The following ADAMTS6 variants were observed in gnomAD, a reference collection of about 807,000 sequenced individuals.
ADAMTS6 encodes A disintegrin and metalloproteinase with thrombospondin motifs 6.
Under a neutral mutation model 144.3 loss-of-function variants are expected in ADAMTS6, and 23 were observed. That is an observed-to-expected ratio of 0.16 (90% CI 0.11 to 0.23). The LOEUF (loss-of-function observed/expected upper bound fraction) is 0.23, where lower values mean the gene tolerates loss of function less well. Ranked by LOEUF, ADAMTS6 falls within the 10% of genes least tolerant of loss-of-function variation. The pLI is 1.00. For missense variants in ADAMTS6, 999 were observed against 1,379.6 expected (o/e 0.72, Z 4.37); for synonymous variants, 444 against 457.5 (o/e 0.97, Z 0.38).
chr5:65,273,522 C>T, intron 11 of ADAMTS6, 75 bp from the exon 12 acceptor site: 1 of 1,210,422 alleles, frequency 8.3e-7, no homozygotes, highest in Admixed American at 1.7e-5. Flanking sequence ...CACTTACAGT[C>T]ACTCTGCATT....
At chr5:65,241,079 GAGA>G (rs1759135591) in intron 15 of ADAMTS6, among the ~76,000 whole-genome samples, 1 of 151,912 alleles carries the variant, frequency 6.6e-6, no homozygotes, top group South Asian at 2.1e-4. Context: ...AATGGATAGG[GAGA>G]AGAACAGACA....
chr5:65,188,148 G>A lies in ADAMTS6; in HGVS notation c.2778C>T (p.Cys926=), dbSNP rs531575998. 33 of 1,614,010 alleles carry A rather than the reference G, an allele frequency of 2.0e-5. No homozygotes were observed. The South Asian group carries it at 3.6e-4, about 18-fold the overall frequency. Residue 926 remains cysteine (C), a synonymous_variant, in exon 22 of 25, where the codon TGC becomes TGT. Transcript: ENST00000381055. The part of the protein sequence containing the change: ...DGGMRTRAVL[C]IRKIGPSEEE... Reference sequence around the variant, plus strand: ...CCTCAGAAGGTCCGATCTTCCTGATGCAGAGCACTGCCCTTGTGCGCATCC... The same window carrying A: ...CCTCAGAAGGTCCGATCTTCCTGATACAGAGCACTGCCCTTGTGCGCATCC...
chr5:65,282,995 G>A (rs1763103884), intron 11 of ADAMTS6, among the ~76,000 whole-genome samples: 1 of 152,058 alleles, frequency 6.6e-6, no homozygotes, highest in Admixed American at 6.6e-5. Context: ...TGGCCCTTGG[G>A]AAACTCTAAA....
At chr5:65,317,995 A>G (rs1019584276) in intron 9 of ADAMTS6, among the ~76,000 whole-genome samples, 1 of 151,324 alleles carries the variant, frequency 6.6e-6, no homozygotes, top group Non-Finnish European at 1.5e-5. Flanking sequence ...GAATGGCGTG[A>G]ACCTGGGAGG....
chr5:65,342,238 CA>C (rs141290911), intron 7 of ADAMTS6, among the ~76,000 whole-genome samples: 23 of 150,372 alleles, frequency 1.5e-4, no homozygotes, highest in East Asian at 7.8e-4. Context: ...GGGCAATTTA[CA>C]AAAAAAAAGA....
chr5:65,301,068 C>T (rs936851693), intron 9 of ADAMTS6, among the ~76,000 whole-genome samples: 11 of 151,984 alleles, frequency 7.2e-5, no homozygotes, highest in African/African-American at 2.7e-4. Context: ...TCGTAGCCTC[C>T]TTCATTTTTA....
At chr5:65,419,425 T>C (rs771479468) in intron 7 of ADAMTS6, among the ~76,000 whole-genome samples, 7 of 151,920 alleles carry the variant, frequency 4.6e-5, no homozygotes, top group Non-Finnish European at 7.4e-5. Flanking sequence ...GGAGAAAGGG[T>C]TGAAAAACTA....
intron 9 of ADAMTS6, 48 bp downstream of exon 9, chr5:65,329,330 C>A (rs1024627947): frequency 3.2e-6 from 5 of 1,570,302 alleles, no homozygotes; most frequent in South Asian, 1.1e-5. Context: ...ACAAGTTGCT[C>A]AAGAGCAGAG....
intron 7 of ADAMTS6, among the ~76,000 whole-genome samples, chr5:65,349,209 C>G (rs907243141): frequency 6.6e-6 from 1 of 152,052 alleles, no homozygotes; most frequent in African/African-American, 2.4e-5. Context: ...TCTTTTAAGT[C>G]TAGCTTCAAG....
intron 7 of ADAMTS6, among the ~76,000 whole-genome samples, chr5:65,435,058 G>C (rs1757285847): frequency 6.6e-6 from 1 of 152,178 alleles, no homozygotes; most frequent in Admixed American, 6.5e-5. Flanking sequence ...CCATCAGATA[G>C]ATAAATCTTG....
At chr5:65,286,814 T>C (rs912431057) in intron 11 of ADAMTS6, among the ~76,000 whole-genome samples, 2 of 152,224 alleles carry the variant, frequency 1.3e-5, no homozygotes, top group African/African-American at 4.8e-5. Flanking sequence ...CCCTACATTA[T>C]ATAGGCTCAT....
intron 15 of ADAMTS6, among the ~76,000 whole-genome samples, 156 bp downstream of exon 15, chr5:65,241,948 C>G (rs1317779984): frequency 6.6e-6 from 1 of 152,114 alleles, no homozygotes; most frequent in East Asian, 1.9e-4. Flanking sequence ...AACCATGAAG[C>G]CTTTATAGTA....
At chr5:65,323,381 C>T (rs192718767) in intron 9 of ADAMTS6, among the ~76,000 whole-genome samples, 1 of 149,796 alleles carries the variant, frequency 6.7e-6, no homozygotes, top group East Asian at 2.0e-4. Context: ...GGTTTTTTGT[C>T]CTTCCAATAG....
At chr5:65,323,652 C>G (rs751492489) in intron 9 of ADAMTS6, among the ~76,000 whole-genome samples, 7 of 152,096 alleles carry the variant, frequency 4.6e-5, no homozygotes, top group Non-Finnish European at 1.0e-4. Flanking sequence ...ATGGCTGGGT[C>G]AAATGGTATT....
rs946968665 is a variant in ADAMTS6 at position 65,263,091 on chromosome 5, A to G, written c.1621-129T>C. On this transcript the variant is annotated intron_variant, in intron 12 of 24. Coordinates refer to ENST00000381055, the MANE Select transcript of ADAMTS6 (RefSeq NM_197941.4). ...TTCTCCCAATTGATAACAGACAGATAGTTCTCTAACTGTGTTTAGACACTG... is the reference window on the plus strand; with the variant it reads ...TTCTCCCAATTGATAACAGACAGATGGTTCTCTAACTGTGTTTAGACACTG... 3.4e-6 allele frequency: 4 copies of G among 1,175,992 alleles called. No individual in the cohort carries two copies. The African/African-American group carries it at 6.2e-5, about 18-fold the overall frequency. 72.8% of individuals were successfully genotyped at this position (1,175,992 alleles called of 1,614,324 possible). A position where few individuals can be genotyped will look rare whatever the true frequency, so the allele number is the denominator to read the frequency against.
intron 7 of ADAMTS6, among the ~76,000 whole-genome samples, chr5:65,391,136 G>A (rs996008091): frequency 1.3e-5 from 2 of 151,918 alleles, no homozygotes; most frequent in South Asian, 2.1e-4. Context: ...GGCCAGTCTC[G>A]TATCAAACTC....
chr5:65,309,122 C>CG (rs968058527), intron 9 of ADAMTS6, among the ~76,000 whole-genome samples: 8 of 139,448 alleles, frequency 5.7e-5, no homozygotes, highest in Non-Finnish European at 9.4e-5. Context: ...GGGTTGGTGG[C>CG]GGGGGGGTGG....
chr5:65,312,864 G>T (rs1305920078), intron 9 of ADAMTS6, among the ~76,000 whole-genome samples: 1 of 151,892 alleles, frequency 6.6e-6, no homozygotes, highest in Non-Finnish European at 1.5e-5. Flanking sequence ...TATGTGTGTG[G>T]GGGTATATAT....
intron 7 of ADAMTS6, among the ~76,000 whole-genome samples, chr5:65,363,507 T>A (rs976497583): frequency 1.3e-5 from 2 of 152,166 alleles, no homozygotes; most frequent in East Asian, 3.8e-4. Context: ...CTTTACCTTT[T>A]CATCCCAAAA....
Sources: gnomAD v4.1 joint callset for allele counts (sites outside exome capture counted in the v4.1 genomes callset) on GRCh38, gnomAD v4.1.1 for gene constraint, MANE v1.5 for transcripts, NCBI Gene and HGNC (gene_info 2026-07-23, HGNC 2026-07-21) for gene names.